Variants in IL16 observed in about 807,000 individuals in gnomAD.
IL16 encodes the protein interleukin 16.
In IL16, 67 loss-of-function variants were observed where a neutral mutation model predicts 110.1. The ratio of observed to expected loss-of-function variants is 0.61; its 90% CI spans 0.50 to 0.75. IL16 has a LOEUF of 0.75. IL16 is among the 30% of genes least tolerant of loss of function. IL16 has a pLI of 0.00. For missense variants in IL16, 1,545 were observed against 1,655.0 expected (o/e 0.93, Z 1.15); for synonymous variants, 689 against 662.9 (o/e 1.04, Z -0.61).
intron 3 of IL16, among the ~76,000 whole-genome samples, chr15:81,264,963 TA>T (rs1240050592): frequency 6.6e-6 from 1 of 152,242 alleles, no homozygotes; most frequent in Non-Finnish European, 1.5e-5. Flanking sequence ...TGGCTGGCAT[TA>T]TATTTCATTT....
At chr15:81,229,083 T>C (rs1220996024) in intron 2 of IL16, among the ~76,000 whole-genome samples, 6 of 152,192 alleles carry the variant, frequency 3.9e-5, no homozygotes, top group African/African-American at 1.4e-4. Flanking sequence ...TTCTGAGGAA[T>C]TAAGCACTTA....
chr15:81,199,700 G>A (rs1276232346), intron 1 of IL16, among the ~76,000 whole-genome samples: 1 of 152,182 alleles, frequency 6.6e-6, no homozygotes, highest in Admixed American at 6.5e-5. Flanking sequence ...GCTCCCCTGA[G>A]AACTTGGATG....
At position 81,215,751 on chromosome 15, in the gene IL16, T is replaced by A. The variant is rs1348204525; in HGVS notation, c.-101-9548T>A. ...CCCGGGAACCCATTTGTCTCACCCC[T>A]TGCCACACTCTGAGGGTGGGGGATC... On this transcript the variant is annotated intron_variant, in intron 1 of 18. Transcript: ENST00000683961. 2.6e-5 allele frequency among the ~76,000 whole-genome samples: 4 copies of A among 152,172 alleles called. No homozygotes were observed. The East Asian group carries it at 7.7e-4, about 29-fold the overall frequency.
chr15:81,283,314 G>T (rs67571153), intron 9 of IL16, among the ~76,000 whole-genome samples: 27,255 of 151,562 alleles, frequency 0.18, 2,584 homozygotes, highest in Middle Eastern at 0.25. Context: ...TGGAGCTGGG[G>T]TCTGTTTATC....
At chr15:81,287,607 G>A (rs1899508467) in intron 10 of IL16, among the ~76,000 whole-genome samples, 1 of 152,214 alleles carries the variant, frequency 6.6e-6, no homozygotes, top group Non-Finnish European at 1.5e-5. Context: ...TCACAGATGA[G>A]GAAACTGAGG....
intron 2 of IL16, among the ~76,000 whole-genome samples, chr15:81,259,528 G>A (rs139178003): frequency 6.6e-6 from 1 of 152,164 alleles, no homozygotes; most frequent in African/African-American, 2.4e-5. Flanking sequence ...CATTCAATTT[G>A]TGTCGCATTA....
chr15:81,196,487 C>A (rs1277255840), upstream of IL16, among the ~76,000 whole-genome samples: 1 of 152,216 alleles, frequency 6.6e-6, no homozygotes, highest in African/African-American at 2.4e-5. Flanking sequence ...TCAAGTGATC[C>A]TTCTGCCTCA....
chr15:81,262,362 A>G (rs1160574755), intron 3 of IL16, among the ~76,000 whole-genome samples: 2 of 152,168 alleles, frequency 1.3e-5, no homozygotes, highest in African/African-American at 2.4e-5. Context: ...CCACATTCAG[A>G]TAACTATTAA....
chr15:81,295,607 C>T, intron 12 of IL16: 1 of 797,132 alleles, frequency 1.3e-6, no homozygotes, highest in Non-Finnish European at 1.8e-6. Context: ...CTTCTAATGC[C>T]ATGACTCAGC....
chr15:81,247,076 C>CTTTTTTTTTTTTTTTTTTTTTTTTTTTTT (rs57484982), intron 2 of IL16, among the ~76,000 whole-genome samples: 3 of 92,638 alleles, frequency 3.2e-5, no homozygotes, highest in African/African-American at 9.6e-5. Flanking sequence ...TTTTCTTTTC[C>CTTTTTTTTTTTTTTTTTTTTTTTTTTTTT]TTTTTTTTTT....
chr15:81,247,705 C>G (rs183422484), intron 2 of IL16, among the ~76,000 whole-genome samples: 11 of 152,194 alleles, frequency 7.2e-5, no homozygotes, highest in Non-Finnish European at 1.2e-4. Flanking sequence ...GCGAAGATAC[C>G]AAAGTGCTCC....
chr15:81,199,310 A>G (rs1895724630), intron 1 of IL16, among the ~76,000 whole-genome samples: 1 of 152,152 alleles, frequency 6.6e-6, no homozygotes, highest in South Asian at 2.1e-4. Flanking sequence ...GGACGAATCT[A>G]TGTCAGTCTT....
At position 81,309,153 on chromosome 15, in the gene IL16, C is replaced by T. The variant is rs978426153; in HGVS notation, c.*355C>T. On this transcript the variant is annotated 3_prime_UTR_variant, in exon 19 of 19. Transcript: ENST00000683961. ...GTACTGTAACTGTGTCATGATTCAC[C>T]CCCAAACAGTGACATTTATTTTTCT... is the stretch of plus-strand genomic sequence containing the variant. The T allele has an allele frequency of 4.8e-6, 1 of 208,184 alleles. No homozygotes were observed. Among genetic ancestry groups the T allele is most frequent in the Non-Finnish European group, 9.6e-6 (1 of 104,390 alleles). The allele number at this position is 208,184 out of a possible 1,614,324, so 12.9% of individuals were successfully genotyped here.
Position 81,303,566 on chromosome 15 carries a change from T to G in IL16, c.3336T>G (p.His1112Gln), listed in dbSNP as rs759465738. 3 of 1,612,376 alleles carry G rather than the reference T, an allele frequency of 1.9e-6. No homozygotes were observed. Among genetic ancestry groups the G allele is most frequent in the South Asian group, 1.1e-5 (1 of 91,044 alleles). Residue 1112 changes from histidine (H) to glutamine (Q), a missense_variant, in exon 16 of 19, where the codon CAT becomes CAG. Physicochemically the swap from His to Gln is conservative, Grantham distance 24. This residue lies in a region of IL16 where 356 missense variants were observed against 399.3 expected (regional missense o/e 0.89). Transcript: ENST00000683961. The surrounding 1 kb of genome is among the most constrained non-coding windows in gnomAD (Gnocchi z 4.1). ...EATLKQLDGI[H>Q]VTILHKEEGA... ...CTCTGCAGCAATTAGACGGCATCCA[T>G]GTCACCATCTTACACAAGGAGGAAG... is the stretch of plus-strand genomic sequence containing the variant.
At chr15:81,262,377 G>T (rs1164718645) in intron 3 of IL16, among the ~76,000 whole-genome samples, 1 of 151,934 alleles carries the variant, frequency 6.6e-6, no homozygotes, top group Non-Finnish European at 1.5e-5. Flanking sequence ...TATTAAGTCT[G>T]TGACTATATA....
At chr15:81,258,674 A>G (rs1309958067) in intron 2 of IL16, among the ~76,000 whole-genome samples, 1 of 152,140 alleles carries the variant, frequency 6.6e-6, no homozygotes, top group Non-Finnish European at 1.5e-5. Context: ...TACTCCAGCC[A>G]GACAACAGAG....
At position 81,305,601 on chromosome 15, in the gene IL16, A is replaced by G. The variant is rs1041904399; in HGVS notation, c.3421-307A>G. The G allele has an allele frequency of 9.0e-6, 3 of 333,784 alleles. No individual in the cohort carries two copies. In the Admixed American group the frequency reaches 1.4e-4, roughly 15 times the overall value. 20.7% of individuals were successfully genotyped at this position (333,784 alleles called of 1,614,324 possible). On this transcript the variant is annotated intron_variant, in intron 16 of 18. Transcript: ENST00000683961. ...AAACTACTCTGGGGACTTCTGACCT[A>G]GGGCAGGTGAAGCAAAAGATTTTAT...
chr15:81,186,606 C>G (rs895802725), intron 1 of IL16, among the ~76,000 whole-genome samples: 1 of 152,184 alleles, frequency 6.6e-6, no homozygotes, highest in Non-Finnish European at 1.5e-5. Flanking sequence ...TTAACCATTC[C>G]CCAATTATGG....
Position 81,307,168 on chromosome 15 carries a change from T to A in IL16, c.3805+623T>A, listed in dbSNP as rs539325888. Among the ~76,000 whole-genome samples, 12 of 152,332 alleles carry A rather than the reference T, an allele frequency of 7.9e-5. No homozygotes were observed. The South Asian group carries it at 2.5e-3, about 32-fold the overall frequency. ...TGTGGCTACCATGTAAAACCATCCC[T>A]GATTCTTTGGTGTTCCTCAAATTGG... On this transcript the variant is annotated intron_variant, in intron 18 of 18. Transcript: ENST00000683961.
Sources: gnomAD v4.1 joint callset for allele counts (sites outside exome capture counted in the v4.1 genomes callset) on GRCh38, gnomAD v4.1.1 for gene constraint, gnomAD v4.1.1 regional missense constraint, Gnocchi (gnomAD v3.1) non-coding constraint, MANE v1.5 for transcripts, NCBI Gene and HGNC (gene_info 2026-07-23, HGNC 2026-07-21) for gene names.